Variants in FAM151B observed in about 807,000 individuals in gnomAD.
FAM151B encodes protein FAM151B.
Under a neutral mutation model 31.2 loss-of-function variants are expected in FAM151B, and 24 were observed. The ratio of observed to expected loss-of-function variants is 0.77; its 90% CI spans 0.56 to 1.08. The LOEUF (loss-of-function observed/expected upper bound fraction) is 1.08. Ranked by LOEUF, FAM151B falls within the 50% of genes least tolerant of loss-of-function variation. The pLI, the probability that FAM151B is intolerant of heterozygous loss-of-function variation, is 0.00. For synonymous variants in FAM151B, 105 were observed against 111.4 expected (o/e 0.94, Z 0.36); for missense variants, 293 against 328.6 (o/e 0.89, Z 0.84).
At chr5:80,511,856 C>T (rs990377598) in intron 2 of FAM151B, among the ~76,000 whole-genome samples, 2 of 152,176 alleles carry the variant, frequency 1.3e-5, no homozygotes, top group Non-Finnish European at 2.9e-5. Context: ...ATCTGCCTGC[C>T]TCAGCCTCCC....
chr5:80,513,149 T>C (rs1030186797), intron 2 of FAM151B, among the ~76,000 whole-genome samples: 3 of 152,220 alleles, frequency 2.0e-5, no homozygotes, highest in Non-Finnish European at 4.4e-5. Flanking sequence ...GGATGTATGC[T>C]TTTAAGCAGT....
chr5:80,501,655 ACTATCTATCTAT>A, intron 1 of FAM151B, 125 bp from the exon 2 acceptor site: 1 of 578,900 alleles, frequency 1.7e-6, no homozygotes, highest in East Asian at 3.1e-5. Flanking sequence ...TAACCTTTTT[ACTATCTATCTAT>A]CTATCTATAT....
At chr5:80,500,393 C>T in intron 1 of FAM151B, 1 of 1,232,246 alleles carries the variant, frequency 8.1e-7, no homozygotes, top group Non-Finnish European at 1.2e-6. Context: ...TAAGAAAAAG[C>T]AAGGGAATTT....
intron 2 of FAM151B, among the ~76,000 whole-genome samples, chr5:80,505,749 ATT>A (rs386404255): frequency 0.19 from 14,160 of 76,196 alleles, 372 homozygotes; most frequent in Non-Finnish European, 0.21. Flanking sequence ...TCCTATAAGA[ATT>A]TTTTTTTTTT....
chr5:80,528,884 G>C (rs960559823), intron 5 of FAM151B, among the ~76,000 whole-genome samples: 5 of 152,208 alleles, frequency 3.3e-5, no homozygotes, highest in Admixed American at 6.6e-5. Context: ...GCACCAAGTG[G>C]ACCTAATAGA....
chr5:80,534,264 A>G (rs1310257739), intron 5 of FAM151B, among the ~76,000 whole-genome samples: 1 of 152,164 alleles, frequency 6.6e-6, no homozygotes, highest in Non-Finnish European at 1.5e-5. Flanking sequence ...CTACAAGGCC[A>G]GCATTACCCT....
In FAM151B at chr5:80,517,483, G is replaced by A. The variant is rs181705874; in HGVS notation, c.318-2210G>A. Among the ~76,000 whole-genome samples the A allele has an allele frequency of 8.5e-5, 13 of 152,190 alleles. No homozygotes were observed. The East Asian group carries it at 1.9e-3, about 23-fold the overall frequency. ...TCCAGAAGAACTTTAGAATTACTTCGTCAAGTTTTAGAAAATAAGAACTAC... is the reference window on the plus strand; with the variant it reads ...TCCAGAAGAACTTTAGAATTACTTCATCAAGTTTTAGAAAATAAGAACTAC... On this transcript the variant is annotated intron_variant, in intron 3 of 5. Transcript: ENST00000282226.
intron 2 of FAM151B, among the ~76,000 whole-genome samples, chr5:80,503,766 T>C (rs1743839045): frequency 1.3e-5 from 2 of 152,146 alleles, no homozygotes; most frequent in Non-Finnish European, 2.9e-5. Context: ...TTTGCTATGC[T>C]GAACAGGAGT....
At chr5:80,533,287 G>T (rs1353985500) in intron 5 of FAM151B, among the ~76,000 whole-genome samples, 1 of 152,008 alleles carries the variant, frequency 6.6e-6, no homozygotes, top group Non-Finnish European at 1.5e-5. Flanking sequence ...TGAGGCAGGA[G>T]AATGGTGTGA....
intron 2 of FAM151B, among the ~76,000 whole-genome samples, chr5:80,506,406 A>G (rs533292916): frequency 2.2e-4 from 34 of 152,344 alleles, no homozygotes; most frequent in African/African-American, 6.7e-4. Context: ...AAAGATCACA[A>G]TAACATCACT....
chr5:80,541,646 GT>G (rs1561385874), intron 5 of FAM151B, 26 bp from the exon 6 acceptor site: 4 of 1,608,012 alleles, frequency 2.5e-6, no homozygotes, highest in Non-Finnish European at 3.4e-6. Context: ...ACTTTTAACT[GT>G]ATAATTCTGT....
chr5:80,537,165 C>T (rs1476167884), intron 5 of FAM151B, among the ~76,000 whole-genome samples: 1 of 152,206 alleles, frequency 6.6e-6, no homozygotes, highest in African/African-American at 2.4e-5. Context: ...TAAATACCTA[C>T]TATGTACCCA....
At chr5:80,502,742 AGT>A (rs1173531249) in intron 2 of FAM151B, among the ~76,000 whole-genome samples, 1 of 152,234 alleles carries the variant, frequency 6.6e-6, no homozygotes, top group Non-Finnish European at 1.5e-5. Flanking sequence ...TTATTATAAA[AGT>A]GTATGCATTT....
intron 1 of FAM151B, among the ~76,000 whole-genome samples, chr5:80,490,019 T>TACACACACACACACACACACACAC (rs71601587): frequency 1.4e-5 from 2 of 144,594 alleles, no homozygotes; most frequent in African/African-American, 5.2e-5. Flanking sequence ...TTTTCCCCCT[T>TACACACACACACACACACACACAC]ACACACACAC....
chr5:80,536,154 TAG>T (rs1561381916), intron 5 of FAM151B, among the ~76,000 whole-genome samples: 3 of 151,954 alleles, frequency 2.0e-5, no homozygotes, highest in Non-Finnish European at 4.4e-5. Flanking sequence ...TAGTTTAGTT[TAG>T]TTTAGTTTTG....
At position 80,501,772 on chromosome 5, in the gene FAM151B, T is replaced by C; in HGVS notation, c.26-20T>C. On this transcript the variant is annotated intron_variant, in intron 1 of 5. Transcript: ENST00000282226. Reference sequence around the variant, plus strand: ...CTATAAAAAACAATATCACTTTTCATGTAAACACTGTTATTTTAGGATCTT... The same window carrying C: ...CTATAAAAAACAATATCACTTTTCACGTAAACACTGTTATTTTAGGATCTT... The C allele has an allele frequency of 6.4e-7, 1 of 1,562,220 alleles. No homozygotes were observed. Among genetic ancestry groups the C allele is most frequent in the East Asian group, 2.3e-5 (1 of 43,596 alleles).
At chr5:80,539,031 C>G (rs1477025330) in intron 5 of FAM151B, among the ~76,000 whole-genome samples, 3 of 104,220 alleles carry the variant, frequency 2.9e-5, no homozygotes, top group African/African-American at 1.1e-4. Context: ...TGGTGGAGCT[C>G]TTTCTGAAGT....
chr5:80,512,563 C>T (rs1468821903), intron 2 of FAM151B, among the ~76,000 whole-genome samples: 1 of 151,876 alleles, frequency 6.6e-6, no homozygotes, highest in Non-Finnish European at 1.5e-5. Context: ...TTACTTGAGC[C>T]CAAGAGTTCA....
In FAM151B at chr5:80,490,019, TACACACAC is replaced by T. The variant is rs71601587; in HGVS notation, c.25+1897_25+1904del. ...TCCGTTATATGTCATTTTTCCCCCTTACACACACACACACACACACACACACACACACA... is the reference window on the plus strand; with the variant it reads ...TCCGTTATATGTCATTTTTCCCCCTTACACACACACACACACACACACACA... On this transcript the variant is annotated intron_variant, in intron 1 of 5. Transcript: ENST00000282226. Among the ~76,000 whole-genome samples, 682 of 144,698 alleles carry T rather than the reference TACACACAC, an allele frequency of 4.7e-3. 5 individuals are homozygous for T. Among genetic ancestry groups the T allele is most frequent in the African/African-American group, 0.016 (642 of 38,942 alleles). 94.9% of individuals were successfully genotyped at this position (144,698 alleles called of 152,430 possible). A position where few individuals can be genotyped will look rare whatever the true frequency, so the allele number is the denominator to read the frequency against.
Sources: gnomAD v4.1 joint callset for allele counts (sites outside exome capture counted in the v4.1 genomes callset) on GRCh38, gnomAD v4.1.1 for gene constraint, MANE v1.5 for transcripts, NCBI Gene and HGNC (gene_info 2026-07-23, HGNC 2026-07-21) for gene names.